ENOX1: variants seen among roughly 807,000 people sequenced by gnomAD.
ENOX1 encodes ecto-NOX disulfide-thiol exchanger 1, also known as candidate growth-related and time keeping constitutive hydroquinone (NADH) oxidase.
ENOX1 carries 42 observed loss-of-function variants against 82.5 expected under a neutral mutation model. The observed-to-expected ratio is 0.51, with a 90% confidence interval of 0.40 to 0.66. The LOEUF (loss-of-function observed/expected upper bound fraction) is 0.66, where lower values mean the gene tolerates loss of function less well. Among genes scored for constraint, ENOX1 ranks in the 30% least tolerant of loss-of-function variants. ENOX1 has a pLI of 0.00. For missense variants in ENOX1, 608 were observed against 811.6 expected (o/e 0.75, Z 3.05); for synonymous variants, 271 against 282.2 (o/e 0.96, Z 0.40).
At chr13:43,402,212 A>T (rs967639218) in intron 5 of ENOX1, among the ~76,000 whole-genome samples, 1 of 152,212 alleles carries the variant, frequency 6.6e-6, no homozygotes, top group Non-Finnish European at 1.5e-5. Context: ...ATACATTTTT[A>T]AAAAAGAAGG....
intron 12 of ENOX1, among the ~76,000 whole-genome samples, chr13:43,297,405 T>C (rs1327669049): frequency 6.6e-6 from 1 of 151,944 alleles, no homozygotes; most frequent in African/African-American, 2.4e-5. Context: ...TATATTTCCC[T>C]TGTTTAAATA....
chr13:43,542,777 T>C (rs2078799530), intron 2 of ENOX1, among the ~76,000 whole-genome samples: 1 of 152,176 alleles, frequency 6.6e-6, no homozygotes, highest in Non-Finnish European at 1.5e-5. Context: ...TACAATACTG[T>C]ACACTGGGTG....
At chr13:43,303,741 A>G (rs887119873) in intron 11 of ENOX1, among the ~76,000 whole-genome samples, 3 of 152,088 alleles carry the variant, frequency 2.0e-5, no homozygotes, top group Non-Finnish European at 4.4e-5. Context: ...GTGTTCTCCA[A>G]ACATTGGCCT....
chr13:43,439,358 C>T lies in ENOX1; in HGVS notation c.-74-26370G>A, dbSNP rs189701406. 5.5e-4 allele frequency among the ~76,000 whole-genome samples: 83 copies of T among 152,040 alleles called. No individual in the cohort carries two copies. In the South Asian group the frequency reaches 7.5e-3, roughly 14 times the overall value. Reference sequence around the variant, plus strand: ...AGTGATTCTCTGACCTCAGCCACCACGCCTGGCTAATTTTTGTATTTTTAA... The same window carrying T: ...AGTGATTCTCTGACCTCAGCCACCATGCCTGGCTAATTTTTGTATTTTTAA... On this transcript the variant is annotated intron_variant, in intron 3 of 16. Transcript: ENST00000690772.
In ENOX1 at chr13:43,397,105, G is replaced by A. The variant is rs187226401; in HGVS notation, c.208+14811C>T. 3.9e-5 allele frequency among the ~76,000 whole-genome samples: 6 copies of A among 152,336 alleles called. No individual in the cohort carries two copies. In the East Asian group the frequency reaches 1.2e-3, roughly 29 times the overall value. The stretch of plus-strand genomic sequence containing the variant: ...ACTGGGCTCTTCTGGTGCCCCTGCA[G>A]AATCTCTGGCATGCCCCTCTCTTGG... On this transcript the variant is annotated intron_variant, in intron 5 of 16. Coordinates refer to ENST00000690772, the MANE Select transcript of ENOX1 (RefSeq NM_001347969.2).
intron 2 of ENOX1, among the ~76,000 whole-genome samples, chr13:43,569,459 T>C (rs2080074510): frequency 6.6e-6 from 1 of 152,138 alleles, no homozygotes; most frequent in Non-Finnish European, 1.5e-5. Context: ...CTCAGACTCT[T>C]TGCTATGGCT....
chr13:43,595,236 G>C (rs1329283), intron 2 of ENOX1, among the ~76,000 whole-genome samples: 5,061 of 151,694 alleles, frequency 0.033, 270 homozygotes, highest in African/African-American at 0.12. Flanking sequence ...TGAATGAATA[G>C]AAGTTTGTAG....
intron 8 of ENOX1, among the ~76,000 whole-genome samples, chr13:43,355,214 T>C (rs1316200013): frequency 2.0e-5 from 3 of 152,186 alleles, no homozygotes; most frequent in Non-Finnish European, 4.4e-5. Flanking sequence ...AACTTCAAAA[T>C]CTGGCATCAC....
intron 2 of ENOX1, among the ~76,000 whole-genome samples, chr13:43,657,383 T>C (rs2084490594): frequency 6.6e-6 from 1 of 152,182 alleles, no homozygotes; most frequent in South Asian, 2.1e-4. Context: ...ATTCCAGGTA[T>C]GCAATGAGGT....
At chr13:43,720,543 C>T (rs887498751) in intron 1 of ENOX1, among the ~76,000 whole-genome samples, 1 of 152,174 alleles carries the variant, frequency 6.6e-6, no homozygotes, top group Non-Finnish European at 1.5e-5. Flanking sequence ...GTGTTATGGG[C>T]ATGTGACTTG....
At chr13:43,357,076 G>A (rs1025060820) in intron 7 of ENOX1, among the ~76,000 whole-genome samples, 2 of 152,298 alleles carry the variant, frequency 1.3e-5, no homozygotes, top group East Asian at 3.9e-4. Context: ...AAATGAAGAA[G>A]AGTTGACTTT....
intron 5 of ENOX1, among the ~76,000 whole-genome samples, chr13:43,378,004 C>A (rs1323148): frequency 0.94 from 143,607 of 152,274 alleles, 68,286 homozygotes; most frequent in East Asian, 1. Flanking sequence ...TGTTGCCCAT[C>A]TCAAAATGAA....
intron 1 of ENOX1, among the ~76,000 whole-genome samples, chr13:43,683,620 C>T (rs9533589): frequency 0.079 from 11,969 of 152,164 alleles, 708 homozygotes; most frequent in African/African-American, 0.16. Flanking sequence ...CAGAGCCCCA[C>T]TCACTCATTC....
At chr13:43,599,461 A>C (rs555954200) in intron 2 of ENOX1, among the ~76,000 whole-genome samples, 2 of 152,078 alleles carry the variant, frequency 1.3e-5, no homozygotes, top group South Asian at 4.2e-4. Flanking sequence ...ACTGGCACCT[A>C]CAGAGGGAGC....
At chr13:43,715,037 A>C (rs1419464725) in intron 1 of ENOX1, among the ~76,000 whole-genome samples, 2 of 152,158 alleles carry the variant, frequency 1.3e-5, no homozygotes, top group African/African-American at 4.8e-5. Flanking sequence ...ATGTTTTTGC[A>C]GTGGCTGGTA....
chr13:43,456,321 TA>T lies in ENOX1; in HGVS notation c.-75+27687del, dbSNP rs2153634477. On this transcript the variant is annotated intron_variant, in intron 3 of 16. Coordinates refer to ENST00000690772, the MANE Select transcript of ENOX1 (RefSeq NM_001347969.2). ...CTGATGGCCCTTCATTACTCATTTATATTTAAGAAATATATATGTTTATTTC... is the reference window on the plus strand; with the variant it reads ...CTGATGGCCCTTCATTACTCATTTATTTTAAGAAATATATATGTTTATTTC... Among the ~76,000 whole-genome samples, 4 of 152,164 alleles carry T rather than the reference TA, an allele frequency of 2.6e-5. 1 individual carries two copies. The South Asian group carries it at 8.3e-4, about 32-fold the overall frequency.
intron 1 of ENOX1, among the ~76,000 whole-genome samples, chr13:43,742,037 A>C (rs1394136174): frequency 6.6e-6 from 1 of 152,236 alleles, no homozygotes; most frequent in South Asian, 2.1e-4. Context: ...TTATAAAACT[A>C]AATTACATTT....
At chr13:43,521,654 C>T (rs1481205202) in intron 2 of ENOX1, among the ~76,000 whole-genome samples, 1 of 152,078 alleles carries the variant, frequency 6.6e-6, no homozygotes, top group Non-Finnish European at 1.5e-5. Flanking sequence ...CTGGAAGGTC[C>T]TTGCTTGGAG....
intron 14 of ENOX1, among the ~76,000 whole-genome samples, chr13:43,238,949 C>A (rs967959196): frequency 6.6e-6 from 1 of 152,110 alleles, no homozygotes; most frequent in African/African-American, 2.4e-5. Context: ...AAGGGTGGAA[C>A]AGACAGACCA....
Sources: allele counts gnomAD v4.1 joint callset (sites outside exome capture counted in the v4.1 genomes callset), GRCh38; gene constraint gnomAD v4.1.1; transcripts MANE v1.5; gene names NCBI Gene and HGNC (gene_info 2026-07-23, HGNC 2026-07-21).